The following CUBN variants were observed in gnomAD, a reference collection of about 807,000 sequenced individuals.
CUBN encodes cubilin.
CUBN carries 282 observed loss-of-function variants against 405.3 expected under a neutral mutation model. That is an observed-to-expected ratio of 0.70 (90% CI 0.63 to 0.77). CUBN has a LOEUF of 0.77. Ranked by LOEUF, CUBN falls within the 30% of genes least tolerant of loss-of-function variation. CUBN has a pLI of 0.00. For synonymous variants in CUBN, 1,684 were observed against 1,617.0 expected (o/e 1.04, Z -0.99); for missense variants, 4,514 against 4,475.2 (o/e 1.01, Z -0.25).
chr10:17,045,302 C>A, intron 24 of CUBN, 114 bp from the exon 25 acceptor site: 1 of 979,970 alleles, frequency 1.0e-6, no homozygotes, highest in South Asian at 1.4e-5. Context: ...AATTGCACAG[C>A]AAAATGGCAT....
intron 28 of CUBN, among the ~76,000 whole-genome samples, chr10:17,008,201 A>G (rs1380939509): frequency 6.6e-6 from 1 of 151,792 alleles, no homozygotes; most frequent in Non-Finnish European, 1.5e-5. Flanking sequence ...TTTTACATTT[A>G]TTTAGCCCCA....
intron 39 of CUBN, 81 bp downstream of exon 39, chr10:16,937,511 C>A: frequency 8.4e-7 from 1 of 1,191,208 alleles, no homozygotes; most frequent in Non-Finnish European, 1.2e-6. Context: ...TTATATCTGA[C>A]CCCTGTTATG....
At chr10:17,101,872 A>G (rs1314012089) in intron 13 of CUBN, among the ~76,000 whole-genome samples, 2 of 152,202 alleles carry the variant, frequency 1.3e-5, no homozygotes, top group Non-Finnish European at 2.9e-5. Flanking sequence ...AATAATTTCT[A>G]TCTTTCAGGG....
chr10:16,892,197 A>T (rs1841049981), intron 54 of CUBN, among the ~76,000 whole-genome samples: 1 of 152,210 alleles, frequency 6.6e-6, no homozygotes, highest in South Asian at 2.1e-4. Context: ...ATTTTTAAGC[A>T]CTGGGTATCC....
rs777650624 is a variant in CUBN, at chr10:16,939,024, T to C, written c.5672A>G (p.His1891Arg). Residue 1891 changes from histidine to arginine, a missense_variant, in exon 38 of 67, where the codon CAT becomes CGT. Physicochemically the swap from His to Arg is conservative, Grantham distance 29. Coordinates refer to ENST00000377833, the MANE Select transcript of CUBN (RefSeq NM_001081.4). ...TVNVNASHVV[H>R]GRILEMDIEE... ...TATGTCCATCTCCAAGATTCTACCA[T>C]GGACAACGTGAGATGCATTCACATT... 61 of 1,614,010 alleles carry C rather than the reference T, an allele frequency of 3.8e-5. 5 individuals are homozygous for C. Among genetic ancestry groups the C allele is most frequent in the East Asian group, 1.8e-4 (8 of 44,862 alleles).
At chr10:16,913,445 C>G (rs572327449) in intron 48 of CUBN, among the ~76,000 whole-genome samples, 1 of 152,252 alleles carries the variant, frequency 6.6e-6, no homozygotes, top group Admixed American at 6.5e-5. Flanking sequence ...TTATGCAGGA[C>G]CACCCACCTG....
At chr10:16,899,519 C>A (rs1457860936) in intron 53 of CUBN, among the ~76,000 whole-genome samples, 2 of 152,126 alleles carry the variant, frequency 1.3e-5, no homozygotes, top group African/African-American at 4.8e-5. Flanking sequence ...TGTAACCTGG[C>A]AATGCTAAGT....
intron 56 of CUBN, among the ~76,000 whole-genome samples, chr10:16,886,391 C>T (rs567546554): frequency 6.6e-6 from 1 of 152,184 alleles, no homozygotes; most frequent in South Asian, 2.1e-4. Flanking sequence ...GAGAGACTAA[C>T]CCAAGAGTAA....
intron 28 of CUBN, among the ~76,000 whole-genome samples, chr10:17,007,621 A>G (rs1368032650): frequency 7.1e-6 from 1 of 141,446 alleles, no homozygotes; most frequent in Non-Finnish European, 1.6e-5. Flanking sequence ...AAAAGAGTCC[A>G]GTGGGGAGGG....
chr10:16,915,914 G>A lies in CUBN; in HGVS notation c.7117C>T (p.His2373Tyr). ...CEWHLQGLSG[H>Y]YLTISFEDFN... ...TCTTCAAAAGAGATGGTGAGATAGTGTCCAGAGAGCCCCTGGAGATGCCAC... is the reference window on the plus strand; with the variant it reads ...TCTTCAAAAGAGATGGTGAGATAGTATCCAGAGAGCCCCTGGAGATGCCAC... The change falls in exon 46 of 67, where the codon CAC becomes TAC. Residue 2373 changes from histidine (H) to tyrosine (Y), a missense_variant. Physicochemically the swap from His to Tyr is moderately conservative, Grantham distance 83. Around this residue, in one of 5 missense-constraint regions of CUBN, gnomAD observed 1,613 missense variants for 1,542.8 expected, o/e 1.05. Transcript: ENST00000377833. 1 of 1,614,118 alleles carries A rather than the reference G, an allele frequency of 6.2e-7. No homozygotes were observed. The highest frequency in any genetic ancestry group is 2.2e-5 in the East Asian group (1 of 44,890).
At chr10:16,925,853 G>T in intron 41 of CUBN, 79 bp from the exon 42 acceptor site, 1 of 1,349,390 alleles carries the variant, frequency 7.4e-7, no homozygotes, top group Non-Finnish European at 1.1e-6. Context: ...TTTTCTTGGG[G>T]GGTTTTCAAA....
At chr10:16,845,221 G>A (rs11254243) in intron 60 of CUBN, among the ~76,000 whole-genome samples, 1 of 152,200 alleles carries the variant, frequency 6.6e-6, no homozygotes, top group Non-Finnish European at 1.5e-5. Context: ...ATGCACAAGG[G>A]CAATAGACTT....
At chr10:17,053,062 T>C (rs1228779844) in intron 22 of CUBN, among the ~76,000 whole-genome samples, 3 of 151,270 alleles carry the variant, frequency 2.0e-5, no homozygotes, top group Non-Finnish European at 4.4e-5. Context: ...TTTTTAGACC[T>C]AATGTAAAAA....
chr10:16,835,263 A>T, intron 63 of CUBN, 68 bp from the exon 64 acceptor site: 1 of 1,288,344 alleles, frequency 7.8e-7, no homozygotes, highest in Non-Finnish European at 1.1e-6. Context: ...ACTTCACAGG[A>T]ATCATTCAAA....
chr10:16,846,566 C>T (rs1243799653), intron 60 of CUBN, among the ~76,000 whole-genome samples: 1 of 152,074 alleles, frequency 6.6e-6, no homozygotes, highest in East Asian at 1.9e-4. Context: ...AATCCCAGCA[C>T]TTTGGGAGGC....
chr10:16,925,033 C>T (rs1413654673), intron 43 of CUBN, among the ~76,000 whole-genome samples: 33 of 152,076 alleles, frequency 2.2e-4, no homozygotes, highest in Admixed American at 2.0e-3. Context: ...GTCCAAGCCT[C>T]ATTTTATTTA....
Position 16,915,917 on chromosome 10 carries a change from C to T in CUBN, c.7114G>A (p.Gly2372Arg). Residue 2372 changes from glycine to arginine, a missense_variant, in exon 46 of 67, where the codon GGA becomes AGA. Gly to Arg is a moderately radical substitution (Grantham distance 125). This residue lies in a region of CUBN where 1,613 missense variants were observed against 1,542.8 expected (regional missense o/e 1.05). Coordinates refer to ENST00000377833, the MANE Select transcript of CUBN (RefSeq NM_001081.4). ...FCEWHLQGLS[G>R]HYLTISFEDF... ...TCAAAAGAGATGGTGAGATAGTGTC[C>T]AGAGAGCCCCTGGAGATGCCACTCA... The T allele has an allele frequency of 6.2e-7, 1 of 1,614,096 alleles. No homozygotes were observed. Among genetic ancestry groups the T allele is most frequent in the South Asian group, 1.1e-5 (1 of 91,082 alleles).
At chr10:16,874,751 A>C (rs1383204778) in intron 57 of CUBN, among the ~76,000 whole-genome samples, 1 of 152,212 alleles carries the variant, frequency 6.6e-6, no homozygotes, top group African/African-American at 2.4e-5. Context: ...CTTGGAAAGG[A>C]ATCAGTCTGA....
At chr10:17,035,027 C>T (rs1420688234) in intron 27 of CUBN, among the ~76,000 whole-genome samples, 3 of 150,574 alleles carry the variant, frequency 2.0e-5, no homozygotes, top group African/African-American at 4.9e-5. Flanking sequence ...ACCACTTAAC[C>T]GGACTAAGGT....
Sources: allele counts gnomAD v4.1 joint callset (sites outside exome capture counted in the v4.1 genomes callset), GRCh38; gene constraint gnomAD v4.1.1; regional missense constraint gnomAD v4.1.1; transcripts MANE v1.5; gene names NCBI Gene and HGNC (gene_info 2026-07-23, HGNC 2026-07-21).